Variants in GBE1 observed in about 807,000 individuals in gnomAD.
The protein encoded by GBE1 is 1,4-alpha-glucan branching enzyme 1, also known as 1,4-alpha-glucan-branching enzyme.
A neutral mutation model predicts 88.8 loss-of-function variants in GBE1; 70 were observed. That is an observed-to-expected ratio of 0.79 (90% confidence interval 0.65 to 0.96). The LOEUF (loss-of-function observed/expected upper bound fraction) is 0.96. GBE1 is among the 40% of genes least tolerant of loss of function. The probability of loss-of-function intolerance (pLI) is 0.00; values close to 1 mark genes in which losing one functional copy is unlikely to be tolerated. For missense variants in GBE1, 872 were observed against 871.0 expected (o/e 1.00, Z -0.01); for synonymous variants, 284 against 300.1 (o/e 0.95, Z 0.56).
At chr3:81,686,644 T>C (rs1209705199) in intron 2 of GBE1, among the ~76,000 whole-genome samples, 1 of 151,612 alleles carries the variant, frequency 6.6e-6, no homozygotes, top group East Asian at 1.9e-4. Context: ...TAATCCCAGC[T>C]CTCTGGAGGC....
intron 7 of GBE1, among the ~76,000 whole-genome samples, chr3:81,611,746 G>T (rs1316722866): frequency 6.6e-6 from 1 of 152,218 alleles, no homozygotes; most frequent in East Asian, 1.9e-4. Context: ...TCTATAATTG[G>T]ACAGCTCTCA....
intron 2 of GBE1, among the ~76,000 whole-genome samples, chr3:81,686,811 A>G (rs1423140589): frequency 6.6e-6 from 1 of 152,162 alleles, no homozygotes; most frequent in Non-Finnish European, 1.5e-5. Context: ...CGCAAACCAC[A>G]TCCACCTCTA....
intron 14 of GBE1, among the ~76,000 whole-genome samples, chr3:81,508,619 A>C (rs1397967743): frequency 6.6e-6 from 1 of 152,088 alleles, no homozygotes; most frequent in African/African-American, 2.4e-5. Context: ...AAACAAACTT[A>C]CTCTGGGAAC....
chr3:81,666,153 C>T (rs1476742888), intron 3 of GBE1, among the ~76,000 whole-genome samples: 1 of 151,878 alleles, frequency 6.6e-6, no homozygotes, highest in Non-Finnish European at 1.5e-5. Flanking sequence ...CTAATAGGCA[C>T]AGTATAATCA....
intron 12 of GBE1, among the ~76,000 whole-genome samples, chr3:81,542,807 A>G (rs1703159073): frequency 1.3e-5 from 2 of 152,102 alleles, no homozygotes; most frequent in South Asian, 4.1e-4. Flanking sequence ...CATGCAATAT[A>G]TCCACATAAC....
intron 1 of GBE1, among the ~76,000 whole-genome samples, chr3:81,760,645 G>A (rs767718381): frequency 6.6e-6 from 1 of 152,184 alleles, no homozygotes; most frequent in African/African-American, 2.4e-5. Context: ...AGAATTATTA[G>A]CCCAGTAACT....
At chr3:81,531,264 C>T (rs1703008073) in intron 14 of GBE1, among the ~76,000 whole-genome samples, 1 of 151,854 alleles carries the variant, frequency 6.6e-6, no homozygotes, top group Non-Finnish European at 1.5e-5. Flanking sequence ...GAAATGCCAG[C>T]TAGGAGCTAA....
chr3:81,569,916 G>A (rs977607254), intron 12 of GBE1, among the ~76,000 whole-genome samples: 2 of 152,078 alleles, frequency 1.3e-5, no homozygotes, highest in Non-Finnish European at 1.5e-5. Flanking sequence ...CCAGGTTCAA[G>A]AGATTCTCTG....
At chr3:81,702,688 G>A (rs560953624) in intron 2 of GBE1, among the ~76,000 whole-genome samples, 9 of 152,122 alleles carry the variant, frequency 5.9e-5, no homozygotes, top group African/African-American at 2.2e-4. Context: ...TCTTTATAAA[G>A]AGTGGAATTT....
rs1705616189 is a variant in GBE1 at position 81,697,482 on chromosome 3, A to G, written c.313+7962T>C. 2.0e-5 allele frequency among the ~76,000 whole-genome samples: 3 copies of G among 152,024 alleles called. No individual in the cohort carries two copies. In the South Asian group the frequency reaches 6.2e-4, roughly 32 times the overall value. ...GCCCAGCTAATTTTTTTGTATTTTT[A>G]GTGGAGACAGGATTTCACCGTGTTA... On this transcript the variant is annotated intron_variant, in intron 2 of 15. Transcript: ENST00000429644.
At chr3:81,548,935 A>G (rs1305671412) in intron 12 of GBE1, among the ~76,000 whole-genome samples, 7 of 151,292 alleles carry the variant, frequency 4.6e-5, no homozygotes, top group African/African-American at 1.7e-4. Context: ...AGCTTTTGAC[A>G]ATTAAGTAAA....
chr3:81,533,400 G>A (rs1703034648), intron 14 of GBE1, among the ~76,000 whole-genome samples: 1 of 152,048 alleles, frequency 6.6e-6, no homozygotes, highest in African/African-American at 2.4e-5. Flanking sequence ...GGGTTAACTG[G>A]AGCACATTTG....
intron 15 of GBE1, among the ~76,000 whole-genome samples, chr3:81,493,569 G>C (rs973425310): frequency 1.4e-5 from 2 of 146,036 alleles, no homozygotes; most frequent in African/African-American, 5.1e-5. Context: ...TTTCGCTCTT[G>C]TTACCCAGGC....
At position 81,490,211 on chromosome 3, in the gene GBE1, A is replaced by G. The variant is rs1702418550; in HGVS notation, c.*196T>C. 3.6e-6 allele frequency: 2 copies of G among 557,628 alleles called. No homozygotes were observed. Among genetic ancestry groups the G allele is most frequent in the Non-Finnish European group, 6.3e-6 (2 of 319,830 alleles). The allele number at this position is 557,628 out of a possible 1,614,324, so 34.5% of individuals were successfully genotyped here. A position where few individuals can be genotyped will look rare whatever the true frequency, so the allele number is the denominator to read the frequency against. On this transcript the variant is annotated 3_prime_UTR_variant, in exon 16 of 16. Transcript: ENST00000429644. ...TTGAAAATATGGTCTAGGATTCCTA[A>G]TATTTTAAACATATTCTCCCATCTA...
chr3:81,646,940 A>G (rs1393655888), intron 5 of GBE1, among the ~76,000 whole-genome samples: 1 of 140,602 alleles, frequency 7.1e-6, no homozygotes, highest in Non-Finnish European at 1.5e-5. Context: ...CCAAACCCTT[A>G]TTTTCCATAA....
intron 1 of GBE1, among the ~76,000 whole-genome samples, chr3:81,750,537 ACG>A (rs201952737): frequency 0.016 from 1,106 of 70,612 alleles, 153 homozygotes; most frequent in African/African-American, 0.096. Context: ...ATATATATAT[ACG>A]TATATATATA....
intron 12 of GBE1, among the ~76,000 whole-genome samples, chr3:81,552,269 G>C (rs1282457137): frequency 6.6e-6 from 1 of 152,166 alleles, no homozygotes; most frequent in Non-Finnish European, 1.5e-5. Flanking sequence ...TGTAATCCCT[G>C]CACTTTGGGA....
At chr3:81,548,110 ATTT>A (rs1032374819) in intron 12 of GBE1, among the ~76,000 whole-genome samples, 1 of 151,376 alleles carries the variant, frequency 6.6e-6, no homozygotes, top group Non-Finnish European at 1.5e-5. Flanking sequence ...GACATTTGCC[ATTT>A]TTTAATTCTC....
At chr3:81,683,641 T>C (rs1455823645) in intron 2 of GBE1, among the ~76,000 whole-genome samples, 2 of 152,194 alleles carry the variant, frequency 1.3e-5, no homozygotes, top group African/African-American at 4.8e-5. Flanking sequence ...ACTAGGCTAA[T>C]GATGATGATG....
Sources: allele counts gnomAD v4.1 joint callset (sites outside exome capture counted in the v4.1 genomes callset), GRCh38; gene constraint gnomAD v4.1.1; transcripts MANE v1.5; gene names NCBI Gene and HGNC (gene_info 2026-07-23, HGNC 2026-07-21).